Variants in TEAD1 observed in about 807,000 individuals in gnomAD.
TEAD1 encodes the protein TEA domain transcription factor 1.
In TEAD1, 9 loss-of-function variants were observed where a neutral mutation model predicts 54.9. The observed-to-expected ratio is 0.16, with a 90% CI of 0.10 to 0.29. The LOEUF (loss-of-function observed/expected upper bound fraction) is 0.29, where lower values mean the gene tolerates loss of function less well. Ranked by LOEUF, TEAD1 falls within the 10% of genes least tolerant of loss-of-function variation. The pLI, the probability that TEAD1 is intolerant of heterozygous loss-of-function variation, is 1.00. For missense variants in TEAD1, 387 were observed against 535.9 expected, an observed-to-expected ratio of 0.72 and a Z score of 2.74; for synonymous variants, 200 against 187.8, an observed-to-expected ratio of 1.07 and a Z score of -0.53.
chr11:12,886,915 T>C (rs1386246874), intron 9 of TEAD1, among the ~76,000 whole-genome samples: 2 of 152,220 alleles, frequency 1.3e-5, no homozygotes, highest in Non-Finnish European at 2.9e-5. Flanking sequence ...CTAAGTGATG[T>C]GCATTAGACA....
At chr11:12,917,262 C>T (rs1177368258) in intron 10 of TEAD1, among the ~76,000 whole-genome samples, 4 of 151,982 alleles carry the variant, frequency 2.6e-5, no homozygotes, top group African/African-American at 7.3e-5. Context: ...CAAGGGGCTC[C>T]GGGACAAGGA....
chr11:12,773,076 G>C (rs191932431), intron 3 of TEAD1, among the ~76,000 whole-genome samples: 210 of 152,108 alleles, frequency 1.4e-3, no homozygotes, highest in Non-Finnish European at 2.4e-3. Context: ...CTTAATTCCC[G>C]GGAGATTCAT....
chr11:12,762,770 C>G (rs1945127491), intron 2 of TEAD1, among the ~76,000 whole-genome samples: 1 of 152,134 alleles, frequency 6.6e-6, no homozygotes, highest in African/African-American at 2.4e-5. Flanking sequence ...TTGATATACA[C>G]AGGTGGGGGA....
intron 2 of TEAD1, among the ~76,000 whole-genome samples, chr11:12,693,945 G>T (rs573858543): frequency 1.3e-5 from 2 of 152,318 alleles, no homozygotes; most frequent in African/African-American, 4.8e-5. Context: ...TCTGCTGCCT[G>T]CCTTTGTAAG....
intron 2 of TEAD1, among the ~76,000 whole-genome samples, chr11:12,691,695 G>A (rs1436730796): frequency 6.6e-6 from 1 of 152,142 alleles, no homozygotes; most frequent in African/African-American, 2.4e-5. Context: ...GTTAATGTAG[G>A]CTTCACAGAA....
intron 12 of TEAD1, 69 bp from the exon 13 acceptor site, chr11:12,937,040 A>T: frequency 9.3e-7 from 1 of 1,074,540 alleles, no homozygotes; most frequent in Non-Finnish European, 1.4e-6. Flanking sequence ...ATTAAGTCAT[A>T]GTCGTCATAC....
At chr11:12,686,944 C>G (rs1000742732) in intron 2 of TEAD1, among the ~76,000 whole-genome samples, 38 of 152,110 alleles carry the variant, frequency 2.5e-4, no homozygotes, top group African/African-American at 8.7e-4. Flanking sequence ...ACAATGGCGT[C>G]TAGACTTTGT....
chr11:12,870,903 A>C (rs1056482688), intron 5 of TEAD1, among the ~76,000 whole-genome samples: 1 of 152,194 alleles, frequency 6.6e-6, no homozygotes, highest in Non-Finnish European at 1.5e-5. Context: ...AAGAAAAAGA[A>C]AAAATGTCTA....
intron 2 of TEAD1, among the ~76,000 whole-genome samples, chr11:12,685,171 T>G (rs1361298126): frequency 2.0e-5 from 3 of 152,204 alleles, no homozygotes; most frequent in African/African-American, 7.2e-5. Flanking sequence ...CATCTTTTCC[T>G]TTTGTCTCTT....
chr11:12,784,090 CAAG>C (rs1253689100), intron 3 of TEAD1, among the ~76,000 whole-genome samples: 1 of 151,956 alleles, frequency 6.6e-6, no homozygotes, highest in Non-Finnish European at 1.5e-5. Context: ...ATGGGAGTGA[CAAG>C]GAGGGGATGG....
At chr11:12,731,609 A>AT (rs1944427812) in intron 2 of TEAD1, among the ~76,000 whole-genome samples, 1 of 152,138 alleles carries the variant, frequency 6.6e-6, no homozygotes, top group Admixed American at 6.5e-5. Flanking sequence ...CTTATCAGAT[A>AT]TTTTGTCAGT....
At chr11:12,813,918 C>G (rs140337576) in intron 3 of TEAD1, among the ~76,000 whole-genome samples, 2 of 152,218 alleles carry the variant, frequency 1.3e-5, no homozygotes, top group African/African-American at 4.8e-5. Context: ...TAGCCTGTGT[C>G]CAGCTCTCTC....
rs1362004287 is a variant in TEAD1, at chr11:12,937,837, AAGAAATGCTTGGT to A, written c.*620_*632del. 6.5e-6 allele frequency: 1 copy of A among 152,756 alleles called. No homozygotes were observed. The highest frequency in any genetic ancestry group is 1.5e-5 in the Non-Finnish European group (1 of 68,218). The allele number at this position is 152,756 out of a possible 1,614,324, so 9.5% of individuals were successfully genotyped here. On this transcript the variant is annotated 3_prime_UTR_variant, in exon 13 of 13. Coordinates refer to ENST00000527636, the MANE Select transcript of TEAD1 (RefSeq NM_021961.6). ...AAACCAAATGTTAAACTATAGCCTTAAGAAATGCTTGGTAGAAGTGTCCTAATGAGACAAATTT... is the reference window on the plus strand; with the variant it reads ...AAACCAAATGTTAAACTATAGCCTTAAGAAGTGTCCTAATGAGACAAATTT...
At chr11:12,906,806 TCTTTTA>T in intron 10 of TEAD1, among the ~76,000 whole-genome samples, 1 of 152,304 alleles carries the variant, frequency 6.6e-6, no homozygotes, top group East Asian at 1.9e-4. Flanking sequence ...ACAGCTGGCT[TCTTTTA>T]CTTTTGTTGT....
At chr11:12,818,310 G>A (rs1056338067) in intron 3 of TEAD1, among the ~76,000 whole-genome samples, 2 of 152,114 alleles carry the variant, frequency 1.3e-5, no homozygotes, top group Non-Finnish European at 2.9e-5. Flanking sequence ...GAAATTTGGT[G>A]TCACCAACAT....
chr11:12,815,109 A>C (rs1216263912), intron 3 of TEAD1, among the ~76,000 whole-genome samples: 1 of 152,092 alleles, frequency 6.6e-6, no homozygotes, highest in Non-Finnish European at 1.5e-5. Flanking sequence ...TTGTTTATAG[A>C]TAAGGGTAGG....
Position 12,841,973 on chromosome 11 carries a change from A to G in TEAD1, c.203-20277A>G, listed in dbSNP as rs1947049942. Among the ~76,000 whole-genome samples, 5 of 152,298 alleles carry G rather than the reference A, an allele frequency of 3.3e-5. No homozygotes were observed. In the South Asian group the frequency reaches 6.2e-4, roughly 19 times the overall value. On this transcript the variant is annotated intron_variant, in intron 3 of 12. Coordinates refer to ENST00000527636, the MANE Select transcript of TEAD1 (RefSeq NM_021961.6). ...CCTCTCCTATAAACCTCAAGGTTACATATGTTAAAGAAATGTAGTCGGCTT... is the reference window on the plus strand; with the variant it reads ...CCTCTCCTATAAACCTCAAGGTTACGTATGTTAAAGAAATGTAGTCGGCTT...
At chr11:12,718,063 T>C (rs1944102680) in intron 2 of TEAD1, among the ~76,000 whole-genome samples, 1 of 152,182 alleles carries the variant, frequency 6.6e-6, no homozygotes, top group East Asian at 1.9e-4. Context: ...AGTGGTTTTC[T>C]TAGCCTCTAA....
chr11:12,698,524 T>A (rs1443941476), intron 2 of TEAD1, among the ~76,000 whole-genome samples: 3 of 152,008 alleles, frequency 2.0e-5, no homozygotes, highest in African/African-American at 7.3e-5. Context: ...TTTTTTTTTT[T>A]TAAATATTGA....
Sources: allele counts gnomAD v4.1 joint callset (sites outside exome capture counted in the v4.1 genomes callset), GRCh38; gene constraint gnomAD v4.1.1; transcripts MANE v1.5; gene names NCBI Gene and HGNC (gene_info 2026-07-23, HGNC 2026-07-21).